CERT1: variants seen among roughly 807,000 people sequenced by gnomAD.
The protein encoded by CERT1 is ceramide transfer protein.
CERT1 carries 31 observed loss-of-function variants against 87.9 expected under a neutral mutation model. The ratio of observed to expected loss-of-function variants is 0.35; its 90% CI spans 0.27 to 0.48. The LOEUF is 0.48. CERT1 is among the 20% of genes least tolerant of loss of function. The pLI is 0.99. For missense variants in CERT1, 487 were observed against 758.0 expected (o/e 0.64, Z 4.20); for synonymous variants, 289 against 250.9 (o/e 1.15, Z -1.44).
At chr5:75,417,391 G>C (rs1312281760) in intron 6 of CERT1, among the ~76,000 whole-genome samples, 1 of 151,382 alleles carries the variant, frequency 6.6e-6, no homozygotes, top group Non-Finnish European at 1.5e-5. Flanking sequence ...GAAAAGCCTA[G>C]AATTAAAAAA....
intron 3 of CERT1, among the ~76,000 whole-genome samples, chr5:75,438,701 A>T (rs1243299123): frequency 6.6e-6 from 1 of 152,142 alleles, no homozygotes; most frequent in Non-Finnish European, 1.5e-5. Context: ...CCATTTCAAC[A>T]TATTTGCTTT....
At chr5:75,451,908 A>AT (rs1235575714) in intron 3 of CERT1, among the ~76,000 whole-genome samples, 23 of 152,178 alleles carry the variant, frequency 1.5e-4, no homozygotes, top group Non-Finnish European at 1.8e-4. Context: ...AAGGAACAAA[A>AT]TTTTTAAAAG....
At chr5:75,422,843 T>C (rs1763445185) in intron 5 of CERT1, among the ~76,000 whole-genome samples, 1 of 152,146 alleles carries the variant, frequency 6.6e-6, no homozygotes, top group African/African-American at 2.4e-5. Flanking sequence ...CTGTACAATA[T>C]GCAGAAGAAA....
Position 75,419,348 on chromosome 5 carries a change from T to G in CERT1, c.672A>C (p.Lys224Asn), listed in dbSNP as rs1425265013. The G allele has an allele frequency of 1.2e-6, 2 of 1,607,998 alleles. No individual in the cohort carries two copies. Among genetic ancestry groups the G allele is most frequent in the South Asian group, 2.2e-5 (2 of 90,262 alleles). ...GAAAAATGTATTACTTACACTTTTC[T>G]TTATTGCCGTTGGTACTATGCAAGA... ...GDFLHSTNGN[K>N]EKLFPHVTPK... The change falls in exon 6 of 17, where the codon AAA becomes AAC. Residue 224 changes from lysine (K) to asparagine (N), a missense_variant. Physicochemically the swap from Lys to Asn is moderately conservative, Grantham distance 94. This residue lies in a region of CERT1 where 173 missense variants were observed against 302.2 expected (regional missense o/e 0.57). Coordinates refer to ENST00000643780, the MANE Select transcript of CERT1 (RefSeq NM_001379029.1).
chr5:75,409,378 G>C (rs550710089), intron 8 of CERT1, among the ~76,000 whole-genome samples: 34 of 152,300 alleles, frequency 2.2e-4, no homozygotes, highest in African/African-American at 7.0e-4. Flanking sequence ...AGCAACAGCA[G>C]AGCAGCTGTT....
Position 75,511,560 on chromosome 5 carries a change from C to A in CERT1, c.-353G>T. On this transcript the variant is annotated 5_prime_UTR_variant, in exon 1 of 17. Transcript: ENST00000643780. ...AAGGGAAAAGAAGGGAAGAGAAAATCCGGCCGCTGAGTCCCGCGTCCACTC... is the reference window on the plus strand; with the variant it reads ...AAGGGAAAAGAAGGGAAGAGAAAATACGGCCGCTGAGTCCCGCGTCCACTC... 1.4e-6 allele frequency: 2 copies of A among 1,457,662 alleles called. No homozygotes were observed. Among genetic ancestry groups the A allele is most frequent in the Non-Finnish European group, 1.8e-6 (2 of 1,107,296 alleles). 90.3% of individuals were successfully genotyped at this position (1,457,662 alleles called of 1,614,324 possible).
chr5:75,399,321 A>C lies in CERT1; in HGVS notation c.1177T>G (p.Phe393Val). The change falls in exon 11 of 17, where the codon TTC (phenylalanine) becomes GTC (valine). Residue 393 changes from phenylalanine to valine, a missense_variant. By Grantham distance (50) the Phe-to-Val change is conservative. This residue lies in a region of CERT1 where 91 missense variants were observed against 86.7 expected (regional missense o/e 1.05). Coordinates refer to ENST00000643780, the MANE Select transcript of CERT1 (RefSeq NM_001379029.1). ...LVSASDDVHR[F>V]SSQVEEMVQN... ...CATTCATACAGTACCTGGGAGCTGA[A>C]TCTGTGAACATCATCAGAGGCACTG... is the stretch of plus-strand genomic sequence containing the variant. The C allele has an allele frequency of 6.2e-7, 1 of 1,610,814 alleles. No homozygotes were observed. Among genetic ancestry groups the C allele is most frequent in the Non-Finnish European group, 8.5e-7 (1 of 1,176,948 alleles).
At chr5:75,423,666 A>C (rs769392779) in intron 5 of CERT1, among the ~76,000 whole-genome samples, 1 of 152,214 alleles carries the variant, frequency 6.6e-6, no homozygotes, top group Non-Finnish European at 1.5e-5. Context: ...ACTTGAGCCC[A>C]GGAGTTTAAG....
chr5:75,467,471 T>C (rs1257421834), intron 2 of CERT1, among the ~76,000 whole-genome samples: 2 of 151,786 alleles, frequency 1.3e-5, no homozygotes, highest in East Asian at 3.9e-4. Flanking sequence ...CGAAACCCCA[T>C]CTCTACCAAA....
chr5:75,487,875 T>A (rs1162509629), intron 2 of CERT1, among the ~76,000 whole-genome samples: 1 of 151,936 alleles, frequency 6.6e-6, no homozygotes, highest in Non-Finnish European at 1.5e-5. Flanking sequence ...ATTGAGCCAT[T>A]AAAAAGGATG....
chr5:75,510,564 C>A lies in CERT1; in HGVS notation c.96+548G>T, dbSNP rs144469063. On this transcript the variant is annotated intron_variant, in intron 1 of 16. Coordinates refer to ENST00000643780, the MANE Select transcript of CERT1 (RefSeq NM_001379029.1). The stretch of plus-strand genomic sequence containing the variant: ...GCCGATTCAATATCTCTATTCTGAA[C>A]TAAGGTACAGGGTGAGGGAGAAAGT... 2.0e-4 allele frequency among the ~76,000 whole-genome samples: 31 copies of A among 152,250 alleles called. No individual in the cohort carries two copies. In the East Asian group the frequency reaches 5.8e-3, roughly 28 times the overall value.
At chr5:75,435,889 C>G (rs1005569232) in intron 3 of CERT1, among the ~76,000 whole-genome samples, 1 of 152,128 alleles carries the variant, frequency 6.6e-6, no homozygotes, top group African/African-American at 2.4e-5. Context: ...TCACCCTGCA[C>G]ATATGCACAG....
chr5:75,394,430 G>A (rs1422704845), intron 11 of CERT1, among the ~76,000 whole-genome samples: 2 of 152,306 alleles, frequency 1.3e-5, no homozygotes, highest in East Asian at 1.9e-4. Context: ...GGCAAAGATC[G>A]CTTGAGGTTG....
At chr5:75,379,808 C>T (rs1240468756) in intron 16 of CERT1, among the ~76,000 whole-genome samples, 1 of 152,092 alleles carries the variant, frequency 6.6e-6, no homozygotes, top group Non-Finnish European at 1.5e-5. Context: ...TGGTCTCGAA[C>T]TCTTGACCTC....
intron 3 of CERT1, among the ~76,000 whole-genome samples, chr5:75,454,048 T>C (rs903634198): frequency 2.6e-5 from 4 of 152,202 alleles, no homozygotes; most frequent in African/African-American, 9.6e-5. Flanking sequence ...GGTCTACTAA[T>C]GGCAAGTGGT....
chr5:75,375,648 A>G (rs1021051267), downstream of CERT1: 8 of 147,098 alleles, frequency 5.4e-5, no homozygotes, highest in African/African-American at 1.5e-4. Flanking sequence ...ATAAAAATAT[A>G]TATTATATAT....
In CERT1 at chr5:75,378,656, A is replaced by G. The variant is rs1761426089; in HGVS notation, c.*690T>C. On this transcript the variant is annotated 3_prime_UTR_variant, in exon 17 of 17. Coordinates refer to ENST00000643780, the MANE Select transcript of CERT1 (RefSeq NM_001379029.1). ...AGTGAAAAAAAGGTTATAAAACAAG[A>G]ATTTTGTATAATAGTAAGTATAAAC... The G allele has an allele frequency of 6.6e-6, 1 of 152,240 alleles. No homozygotes were observed. The highest frequency in any genetic ancestry group is 6.5e-5 in the Admixed American group (1 of 15,286). The allele number at this position is 152,240 out of a possible 1,614,324, so 9.4% of individuals were successfully genotyped here.
At chr5:75,442,723 G>A (rs1215915268) in intron 3 of CERT1, among the ~76,000 whole-genome samples, 1 of 152,094 alleles carries the variant, frequency 6.6e-6, no homozygotes, top group Non-Finnish European at 1.5e-5. Flanking sequence ...CCAAAAATAG[G>A]TGAGTATAGC....
At chr5:75,503,886 A>ATTAAACATTTAAATTTTTTGTTTAAT (rs1767520093) in intron 2 of CERT1, among the ~76,000 whole-genome samples, 1 of 151,458 alleles carries the variant, frequency 6.6e-6, no homozygotes, top group African/African-American at 2.4e-5. Flanking sequence ...TTTAATTTAA[A>ATTAAACATTTAAATTTTTTGTTTAAT]TTAAACATTT....
Sources: gnomAD v4.1 joint callset for allele counts (sites outside exome capture counted in the v4.1 genomes callset) on GRCh38, gnomAD v4.1.1 for gene constraint, gnomAD v4.1.1 regional missense constraint, MANE v1.5 for transcripts, NCBI Gene and HGNC (gene_info 2026-07-23, HGNC 2026-07-21) for gene names.